Variants in ASCC3 observed in about 807,000 individuals in gnomAD.
ASCC3 encodes ASC-1 complex subunit P200.
Under a neutral mutation model 256.3 loss-of-function variants are expected in ASCC3, and 158 were observed. The observed-to-expected ratio is 0.62, with a 90% CI of 0.54 to 0.70. The LOEUF is 0.70. ASCC3 is among the 30% of genes least tolerant of loss of function. The probability of loss-of-function intolerance (pLI) is 0.00; values close to 1 mark genes in which losing one functional copy is unlikely to be tolerated. For missense variants in ASCC3, 2,259 were observed against 2,626.0 expected (o/e 0.86, Z 3.05); for synonymous variants, 948 against 883.4 (o/e 1.07, Z -1.30).
chr6:100,781,907 AC>A (rs796897013), intron 8 of ASCC3, among the ~76,000 whole-genome samples: 21 of 152,030 alleles, frequency 1.4e-4, no homozygotes, highest in African/African-American at 5.1e-4. Context: ...GACTGTTTAT[AC>A]CCAATCCCAA....
chr6:100,653,923 A>G (rs990765793), intron 17 of ASCC3, among the ~76,000 whole-genome samples: 48 of 151,970 alleles, frequency 3.2e-4, no homozygotes, highest in African/African-American at 1.1e-3. Context: ...CCTTTAATGG[A>G]GTAGGGGGAG....
At chr6:100,533,704 T>C (rs1775025516) in intron 37 of ASCC3, among the ~76,000 whole-genome samples, 1 of 152,220 alleles carries the variant, frequency 6.6e-6, no homozygotes, top group Non-Finnish European at 1.5e-5. Flanking sequence ...TACTGGAAAG[T>C]TTTGAAATAA....
intron 1 of ASCC3, among the ~76,000 whole-genome samples, chr6:100,874,327 G>A (rs981543510): frequency 1.3e-5 from 2 of 151,974 alleles, no homozygotes; most frequent in African/African-American, 4.8e-5. Context: ...TTAGTTGGGC[G>A]TGGTGGTGCG....
intron 34 of ASCC3, among the ~76,000 whole-genome samples, chr6:100,593,167 C>T (rs1307162719): frequency 2.6e-5 from 4 of 152,030 alleles, no homozygotes; most frequent in African/African-American, 7.2e-5. Context: ...TAGCCAGAAG[C>T]GTACTGAGAA....
intron 11 of ASCC3, among the ~76,000 whole-genome samples, chr6:100,721,735 A>G (rs1442012202): frequency 6.6e-6 from 1 of 151,720 alleles, no homozygotes; most frequent in African/African-American, 2.4e-5. Context: ...AAATATTTCT[A>G]CAATTTCATT....
At chr6:100,584,814 A>C (rs151013407) in intron 36 of ASCC3, among the ~76,000 whole-genome samples, 2,757 of 152,168 alleles carry the variant, frequency 0.018, 58 homozygotes, top group South Asian at 0.043. Context: ...GCTTGTCTGT[A>C]AAGTATTTTA....
At chr6:100,656,141 T>C (rs889673452) in intron 16 of ASCC3, among the ~76,000 whole-genome samples, 1 of 151,726 alleles carries the variant, frequency 6.6e-6, no homozygotes, top group African/African-American at 2.4e-5. Context: ...TTATTCAGTA[T>C]ACAACTTATT....
intron 4 of ASCC3, among the ~76,000 whole-genome samples, chr6:100,846,379 G>A (rs900467951): frequency 6.6e-6 from 1 of 151,994 alleles, no homozygotes; most frequent in African/African-American, 2.4e-5. Context: ...TTTCATATAC[G>A]AACAGGAAAA....
At chr6:100,757,898 T>C (rs76925933) in intron 10 of ASCC3, among the ~76,000 whole-genome samples, 2,082 of 152,196 alleles carry the variant, frequency 0.014, 20 homozygotes, top group East Asian at 0.045. Context: ...TCTCTTTCTA[T>C]ACAAAGGACT....
intron 30 of ASCC3, among the ~76,000 whole-genome samples, chr6:100,623,738 G>A (rs1272569860): frequency 1.3e-5 from 2 of 152,080 alleles, no homozygotes; most frequent in Non-Finnish European, 2.9e-5. Context: ...AAAAGTGTAA[G>A]AAAGAACAAT....
At chr6:100,544,934 T>C (rs1248386597) in intron 36 of ASCC3, among the ~76,000 whole-genome samples, 1 of 152,138 alleles carries the variant, frequency 6.6e-6, no homozygotes, top group Non-Finnish European at 1.5e-5. Flanking sequence ...TTTAACAATA[T>C]ATAAACAGAA....
chr6:100,698,396 G>A (rs995239450), intron 13 of ASCC3, among the ~76,000 whole-genome samples: 14 of 152,164 alleles, frequency 9.2e-5, no homozygotes, highest in Admixed American at 5.9e-4. Context: ...GTGCTCTTAT[G>A]ATAAGCTAGC....
intron 40 of ASCC3, 140 bp downstream of exon 40, chr6:100,512,569 C>G: frequency 1.1e-6 from 1 of 880,364 alleles, no homozygotes; most frequent in Non-Finnish European, 1.9e-6. Flanking sequence ...TTTCAAAAGA[C>G]TAACTCTCGC....
At chr6:100,552,272 GT>G (rs1178049515) in intron 36 of ASCC3, among the ~76,000 whole-genome samples, 9 of 151,804 alleles carry the variant, frequency 5.9e-5, no homozygotes, top group African/African-American at 2.2e-4. Context: ...TTATAATTAT[GT>G]AAGTGTCCTT....
intron 4 of ASCC3, among the ~76,000 whole-genome samples, chr6:100,830,203 G>A (rs764919951): frequency 6.6e-6 from 1 of 151,598 alleles, no homozygotes; most frequent in Non-Finnish European, 1.5e-5. Context: ...AGTAGGAGAC[G>A]GCATTTAGAG....
intron 8 of ASCC3, among the ~76,000 whole-genome samples, chr6:100,773,947 T>G (rs1782055008): frequency 6.6e-6 from 1 of 152,166 alleles, no homozygotes; most frequent in Admixed American, 6.5e-5. Context: ...TATTTCTTTG[T>G]TTTTGAAGGT....
intron 2 of ASCC3, among the ~76,000 whole-genome samples, chr6:100,866,433 C>A (rs1309013156): frequency 6.6e-6 from 1 of 152,178 alleles, no homozygotes; most frequent in Admixed American, 6.5e-5. Flanking sequence ...CAAGTTCATT[C>A]ATTCATCACA....
intron 10 of ASCC3, among the ~76,000 whole-genome samples, chr6:100,743,769 C>T (rs1780542444): frequency 6.6e-6 from 1 of 152,042 alleles, no homozygotes; most frequent in Admixed American, 6.6e-5. Flanking sequence ...TTATTATACA[C>T]CTACTAGTAC....
At chr6:100,677,163 G>C (rs1002193648) in intron 14 of ASCC3, among the ~76,000 whole-genome samples, 1 of 152,064 alleles carries the variant, frequency 6.6e-6, no homozygotes, top group Non-Finnish European at 1.5e-5. Flanking sequence ...ATGAAGGAAT[G>C]TACTACTAGC....
Sources: allele counts gnomAD v4.1 joint callset (sites outside exome capture counted in the v4.1 genomes callset), GRCh38; gene constraint gnomAD v4.1.1; transcripts MANE v1.5; gene names NCBI Gene and HGNC (gene_info 2026-07-23, HGNC 2026-07-21).